The following SDSL variants were observed in gnomAD, a reference collection of about 807,000 sequenced individuals.
SDSL encodes serine dehydratase-like.
SDSL carries 26 observed loss-of-function variants against 27.6 expected under a neutral mutation model. The ratio of observed to expected loss-of-function variants is 0.94; its 90% confidence interval spans 0.69 to 1.31. The LOEUF is 1.31. SDSL is among the 50% of genes most tolerant of loss of function. SDSL has a pLI of 0.00. For missense variants in SDSL, 431 were observed against 423.5 expected (o/e 1.02, Z -0.16); for synonymous variants, 196 against 180.6 (o/e 1.09, Z -0.69).
chr12:113,438,066 TG>T lies in SDSL; in HGVS notation c.980del (p.Gly327AlafsTer14). The T allele has an allele frequency of 9.9e-6, 16 of 1,613,756 alleles. No homozygotes were observed. Among genetic ancestry groups the T allele is most frequent in the Non-Finnish European group, 1.4e-5 (16 of 1,179,822 alleles). ...GAGCTGCAGGCTTTGAAAACCCACCTGGGCCAGGTCTGAGGGGTCCCATCCT... is the reference window on the plus strand; with the variant it reads ...GAGCTGCAGGCTTTGAAAACCCACCTGGCCAGGTCTGAGGGGTCCCATCCT... ...SRELQALKTH[L>X]GQV On this transcript the variant is annotated frameshift_variant, in exon 8 of 8. Coordinates refer to ENST00000403593, the MANE Select transcript of SDSL (RefSeq NM_001304993.2). LOFTEE classifies it high-confidence loss of function.
intron 1 of SDSL, among the ~76,000 whole-genome samples, chr12:113,425,372 A>G (rs1957834400): frequency 6.6e-6 from 1 of 152,104 alleles, no homozygotes; most frequent in African/African-American, 2.4e-5. Context: ...GGGGGCCCTG[A>G]GGATTCTCAA....
At chr12:113,424,896 C>T (rs541194960) in intron 1 of SDSL, among the ~76,000 whole-genome samples, 10 of 152,092 alleles carry the variant, frequency 6.6e-5, no homozygotes, top group Admixed American at 6.5e-5. Context: ...CCACCACACC[C>T]GGCTAATTTT....
Position 113,428,298 on chromosome 12 carries a change from G to T in SDSL, c.175-122G>T. The T allele has an allele frequency of 4.6e-6, 6 of 1,311,320 alleles. 1 individual carries two copies. In the South Asian group the frequency reaches 8.3e-5, roughly 18 times the overall value. The allele number at this position is 1,311,320 out of a possible 1,614,324, so 81.2% of individuals were successfully genotyped here. A position where few individuals can be genotyped will look rare whatever the true frequency, so the allele number is the denominator to read the frequency against. ...GGAGGGGAAAGGTAAGGGCAGGGCT[G>T]TGGGCAGGATGAGGGGTAAAGGCGT... is the stretch of plus-strand genomic sequence containing the variant. On this transcript the variant is annotated intron_variant, in intron 2 of 7. Coordinates refer to ENST00000403593, the MANE Select transcript of SDSL (RefSeq NM_001304993.2).
chr12:113,434,267 CTT>C lies in SDSL; in HGVS notation c.443+46_443+47del, dbSNP rs755448502. ...CCCCAGGAGTCCAGAGCTGGGAGAC[CTT>C]CACTGAGTCAGGGTCCTCCCATTGG... On this transcript the variant is annotated intron_variant, in intron 5 of 7. Transcript: ENST00000403593. 7.7e-6 allele frequency: 11 copies of C among 1,437,702 alleles called. No homozygotes were observed. In the African/African-American group the frequency reaches 8.4e-5, roughly 11 times the overall value. 89.1% of individuals were successfully genotyped at this position (1,437,702 alleles called of 1,614,324 possible).
chr12:113,430,906 A>C (rs12817952), intron 4 of SDSL, among the ~76,000 whole-genome samples: 7,059 of 152,310 alleles, frequency 0.046, 190 homozygotes, highest in Middle Eastern at 0.1. Context: ...TGTCTCTAAA[A>C]ATAGTAACTA....
At chr12:113,432,958 G>A (rs1032718643) in intron 4 of SDSL, among the ~76,000 whole-genome samples, 3 of 152,168 alleles carry the variant, frequency 2.0e-5, no homozygotes, top group Non-Finnish European at 4.4e-5. Context: ...TTGCTATTGT[G>A]AGTACTGCTG....
At chr12:113,431,499 G>C (rs1291393170) in intron 4 of SDSL, among the ~76,000 whole-genome samples, 2 of 151,778 alleles carry the variant, frequency 1.3e-5, no homozygotes, top group Non-Finnish European at 2.9e-5. Context: ...TGTTACATGG[G>C]TATATTTCAT....
At chr12:113,426,714 G>T (rs1474004393) in intron 1 of SDSL, among the ~76,000 whole-genome samples, 1 of 152,134 alleles carries the variant, frequency 6.6e-6, no homozygotes, top group African/African-American at 2.4e-5. Flanking sequence ...GGGGCAGGAG[G>T]ATCCCTTGAG....
chr12:113,432,289 T>TTTC (rs1565879266), intron 4 of SDSL, among the ~76,000 whole-genome samples: 1 of 143,202 alleles, frequency 7.0e-6, no homozygotes, highest in Non-Finnish European at 1.5e-5. Context: ...TCTTTCTTTC[T>TTTC]TTCTCTCTCT....
chr12:113,432,418 T>C (rs1263732266), intron 4 of SDSL, among the ~76,000 whole-genome samples: 1 of 152,150 alleles, frequency 6.6e-6, no homozygotes, highest in Non-Finnish European at 1.5e-5. Flanking sequence ...CTTGGCTCAC[T>C]GCAACCTCCA....
intron 1 of SDSL, among the ~76,000 whole-genome samples, chr12:113,423,410 G>T (rs949527847): frequency 6.6e-6 from 1 of 152,068 alleles, no homozygotes; most frequent in Non-Finnish European, 1.5e-5. Context: ...TGGACCTCAG[G>T]TTCACTGTTT....
At chr12:113,424,867 C>T (rs1415241181) in intron 1 of SDSL, among the ~76,000 whole-genome samples, 1 of 152,060 alleles carries the variant, frequency 6.6e-6, no homozygotes, top group African/African-American at 2.4e-5. Context: ...TCCCAAGTAG[C>T]TGGGACTACA....
chr12:113,429,820 C>A (rs567800296), intron 4 of SDSL, among the ~76,000 whole-genome samples: 13 of 152,132 alleles, frequency 8.5e-5, no homozygotes, highest in African/African-American at 3.1e-4. Context: ...GATTTTTAAA[C>A]CTCTCGAAAT....
At position 113,428,162 on chromosome 12, in the gene SDSL, G is replaced by A. The variant is rs773322567; in HGVS notation, c.174+6G>A. The A allele has an allele frequency of 1.9e-6, 3 of 1,605,334 alleles. No homozygotes were observed. Among genetic ancestry groups the A allele is most frequent in the African/African-American group, 1.3e-5 (1 of 74,792 alleles). ...TTGGGCATTTCTGCCAGGAGGTGAG[G>A]GTGTGTGGGAAGGAGGGGAGAAGTG... On this transcript the variant is annotated splice_donor_region_variant and intron_variant, in intron 2 of 7. Coordinates refer to ENST00000403593, the MANE Select transcript of SDSL (RefSeq NM_001304993.2).
chr12:113,427,404 C>T (rs918606886), intron 1 of SDSL, among the ~76,000 whole-genome samples: 1 of 152,260 alleles, frequency 6.6e-6, no homozygotes, highest in African/African-American at 2.4e-5. Context: ...AGCCGCTGTG[C>T]CCCTGCCAGC....
Position 113,422,435 on chromosome 12 carries a change from C to T in SDSL, c.-64C>T, listed in dbSNP as rs113624133. 1,133 of 154,126 alleles carry T rather than the reference C, an allele frequency of 7.4e-3. 14 individuals carry two copies. The highest frequency in any genetic ancestry group is 0.025 in the African/African-American group (1,050 of 41,588). 9.5% of individuals were successfully genotyped at this position (154,126 alleles called of 1,614,324 possible). ...GCTGGTTCCCTGGCAGGCTGGAGGGCAGGAGCTGGGGCCACGCTGGTCTGG... is the reference window on the plus strand; with the variant it reads ...GCTGGTTCCCTGGCAGGCTGGAGGGTAGGAGCTGGGGCCACGCTGGTCTGG... On this transcript the variant is annotated 5_prime_UTR_variant, in exon 1 of 8. Coordinates refer to ENST00000403593, the MANE Select transcript of SDSL (RefSeq NM_001304993.2).
chr12:113,438,128 C>T lies in SDSL; in HGVS notation c.*49C>T, dbSNP rs1383392471. The T allele has an allele frequency of 2.0e-6, 3 of 1,498,192 alleles. No homozygotes were observed. The highest frequency in any genetic ancestry group is 1.2e-5 in the South Asian group (1 of 82,174). 92.8% of individuals were successfully genotyped at this position (1,498,192 alleles called of 1,614,324 possible). The stretch of plus-strand genomic sequence containing the variant: ...ACCCCTGAGAGGCCCATGGACAGTC[C>T]TGTGTCTGGATGAGGAGGACTCAGT... On this transcript the variant is annotated 3_prime_UTR_variant, in exon 8 of 8. Coordinates refer to ENST00000403593, the MANE Select transcript of SDSL (RefSeq NM_001304993.2).
At chr12:113,429,882 T>G (rs898387493) in intron 4 of SDSL, among the ~76,000 whole-genome samples, 6 of 152,086 alleles carry the variant, frequency 3.9e-5, no homozygotes, top group African/African-American at 1.4e-4. Context: ...AAATACTTCC[T>G]GTATATAGTT....
intron 2 of SDSL, 104 bp downstream of exon 2, chr12:113,428,260 A>T: frequency 7.5e-7 from 1 of 1,331,772 alleles, no homozygotes; most frequent in Admixed American, 2.0e-5. Context: ...GGAAACATGA[A>T]CTCGTGCAGA....
Sources: gnomAD v4.1 joint callset for allele counts (sites outside exome capture counted in the v4.1 genomes callset) on GRCh38, gnomAD v4.1.1 for gene constraint, MANE v1.5 for transcripts, NCBI Gene and HGNC (gene_info 2026-07-23, HGNC 2026-07-21) for gene names.